The following CSRNP3 variants were observed in gnomAD, a reference collection of about 807,000 sequenced individuals.
The protein encoded by CSRNP3 is cysteine and serine rich nuclear protein 3.
A neutral mutation model predicts 48.0 loss-of-function variants in CSRNP3; 12 were observed. The observed-to-expected ratio is 0.25, with a 90% CI of 0.16 to 0.41. The LOEUF (loss-of-function observed/expected upper bound fraction) is 0.41, where lower values mean the gene tolerates loss of function less well. Among genes scored for constraint, CSRNP3 ranks in the 10% least tolerant of loss-of-function variants. CSRNP3 has a pLI of 1.00. For missense variants in CSRNP3, 580 were observed against 724.4 expected (o/e 0.80, Z 2.29); for synonymous variants, 263 against 269.7 (o/e 0.98, Z 0.24).
rs1687573431 is a variant in CSRNP3 at position 165,683,048 on chromosome 2, G to C, written c.*3295G>C. ...TAATCCTGGCCGAATTGATTTGAAA[G>C]TCAAGTGGCTGAAGCAGCTTGCATC... is the stretch of plus-strand genomic sequence containing the variant. On this transcript the variant is annotated 3_prime_UTR_variant, in exon 7 of 7. Transcript: ENST00000651982. 1 of 152,130 alleles carries C rather than the reference G, an allele frequency of 6.6e-6. No homozygotes were observed. Among genetic ancestry groups the C allele is most frequent in the African/African-American group, 2.4e-5 (1 of 41,438 alleles). The allele number at this position is 152,130 out of a possible 1,614,324, so 9.4% of individuals were successfully genotyped here.
At chr2:165,520,057 C>T (rs1345390895) in intron 3 of CSRNP3, among the ~76,000 whole-genome samples, 2 of 151,912 alleles carry the variant, frequency 1.3e-5, no homozygotes, top group Non-Finnish European at 2.9e-5. Flanking sequence ...GTTTCAATTT[C>T]ACCAGAAAGA....
At chr2:165,666,102 G>A (rs1294985170) in intron 5 of CSRNP3, among the ~76,000 whole-genome samples, 10 of 94,318 alleles carry the variant, frequency 1.1e-4, no homozygotes, top group East Asian at 3.8e-4. Context: ...GGAGAGAGAG[G>A]AAGAAAGAAA....
chr2:165,581,358 C>T (rs536809408), intron 3 of CSRNP3, among the ~76,000 whole-genome samples: 3 of 152,266 alleles, frequency 2.0e-5, no homozygotes, highest in African/African-American at 7.2e-5. Flanking sequence ...ATAGCCGTCC[C>T]TCTCTTTGTC....
chr2:165,602,414 A>T (rs1685931063), intron 4 of CSRNP3, among the ~76,000 whole-genome samples: 1 of 152,222 alleles, frequency 6.6e-6, no homozygotes, highest in Admixed American at 6.5e-5. Flanking sequence ...CTTGGGGTAC[A>T]CAATCTGGGA....
intron 3 of CSRNP3, among the ~76,000 whole-genome samples, chr2:165,564,952 T>C (rs1574839525): frequency 6.6e-6 from 1 of 152,030 alleles, no homozygotes; most frequent in African/African-American, 2.4e-5. Flanking sequence ...CTAGGGCAAA[T>C]AAATATTGTA....
chr2:165,510,454 C>T (rs1402523901), intron 2 of CSRNP3, among the ~76,000 whole-genome samples: 1 of 152,104 alleles, frequency 6.6e-6, no homozygotes, highest in Non-Finnish European at 1.5e-5. Context: ...CCATTGAGAG[C>T]TCTTTCAGGT....
At chr2:165,584,252 G>A (rs149841014) in intron 3 of CSRNP3, among the ~76,000 whole-genome samples, 4 of 152,016 alleles carry the variant, frequency 2.6e-5, no homozygotes, top group Non-Finnish European at 5.9e-5. Context: ...ACACCTAGAG[G>A]CTACGAATAC....
rs375971213 is a variant in CSRNP3 at position 165,477,064 on chromosome 2, T to C, written c.-283+7324T>C. The stretch of plus-strand genomic sequence containing the variant: ...GCTGGGCATCAGCTGGTAAATTTAG[T>C]ATTGTATGAGAAAGTGCAATTGTGA... On this transcript the variant is annotated intron_variant, in intron 1 of 6. Transcript: ENST00000651982. Among the ~76,000 whole-genome samples, 11 of 152,286 alleles carry C rather than the reference T, an allele frequency of 7.2e-5. No homozygotes were observed. The East Asian group carries it at 2.1e-3, about 29-fold the overall frequency.
chr2:165,612,512 G>T (rs1345032025), intron 4 of CSRNP3, among the ~76,000 whole-genome samples: 1 of 151,922 alleles, frequency 6.6e-6, no homozygotes, highest in African/African-American at 2.4e-5. Flanking sequence ...CAGAACACTA[G>T]AATTTATTTC....
At chr2:165,535,716 A>G (rs1291392239) in intron 3 of CSRNP3, among the ~76,000 whole-genome samples, 3 of 151,834 alleles carry the variant, frequency 2.0e-5, no homozygotes, top group African/African-American at 7.3e-5. Context: ...AGAGGGGAAC[A>G]CAGTCTGGAA....
intron 4 of CSRNP3, among the ~76,000 whole-genome samples, chr2:165,629,699 C>T (rs1029178841): frequency 9.2e-5 from 14 of 152,212 alleles, no homozygotes; most frequent in African/African-American, 2.9e-4. Context: ...GAAGATATCT[C>T]GATATGTTTG....
chr2:165,606,961 CT>C (rs1275607031), intron 4 of CSRNP3, among the ~76,000 whole-genome samples: 1 of 151,888 alleles, frequency 6.6e-6, no homozygotes, highest in African/African-American at 2.4e-5. Context: ...ACTCTCTTAA[CT>C]TTTTTTTACA....
chr2:165,679,727 C>T lies in CSRNP3; in HGVS notation c.1732C>T (p.Pro578Ser), dbSNP rs61743584. ...ATTGCATGAAGAGTGCATCAAATCA[C>T]CCGTGGTTGAGACAGTCCCTGTTTA... ...SILHEECIKS[P>S]VVETVPV The change falls in exon 7 of 7, where the codon CCC becomes TCC. Residue 578 changes from proline to serine, a missense_variant. Transcript: ENST00000651982. 586 of 1,613,692 alleles carry T rather than the reference C, an allele frequency of 3.6e-4. 2 individuals are homozygous for T. In the African/African-American group the frequency reaches 6.9e-3, roughly 19 times the overall value.
intron 4 of CSRNP3, among the ~76,000 whole-genome samples, chr2:165,626,198 G>C (rs1464818576): frequency 6.6e-6 from 1 of 151,714 alleles, no homozygotes; most frequent in Non-Finnish European, 1.5e-5. Flanking sequence ...ACTCCAACCT[G>C]GGCAAAAGAG....
At chr2:165,674,607 A>G (rs1237574692) in intron 5 of CSRNP3, among the ~76,000 whole-genome samples, 1 of 147,266 alleles carries the variant, frequency 6.8e-6, no homozygotes, top group African/African-American at 2.5e-5. Context: ...TAACTCTGAA[A>G]CATATATATA....
rs1377096288 is a variant in CSRNP3, at chr2:165,666,984, GAAGA to G, written c.408+8973_408+8976del. 2.6e-3 allele frequency among the ~76,000 whole-genome samples: 201 copies of G among 78,364 alleles called. 28 individuals are homozygous for G. Among genetic ancestry groups the G allele is most frequent in the African/African-American group, 8.2e-3 (190 of 23,308 alleles). 51.4% of individuals were successfully genotyped at this position (78,364 alleles called of 152,430 possible). On this transcript the variant is annotated intron_variant, in intron 5 of 6. Coordinates refer to ENST00000651982, the MANE Select transcript of CSRNP3 (RefSeq NM_001172173.2). ...GAAGGAAGGAAGGAAAGAGAGAGAG[GAAGA>G]AAGAAAGAGAGAGAGAGGAAGGAAG...
chr2:165,608,284 G>A (rs542676322), intron 4 of CSRNP3, among the ~76,000 whole-genome samples: 1 of 151,976 alleles, frequency 6.6e-6, no homozygotes, highest in South Asian at 2.1e-4. Context: ...AATGATGGTT[G>A]GAAAAGGGAG....
chr2:165,535,485 TTC>T (rs1684870318), intron 3 of CSRNP3, among the ~76,000 whole-genome samples: 1 of 151,840 alleles, frequency 6.6e-6, no homozygotes, highest in South Asian at 2.1e-4. Flanking sequence ...TAGATGCCCT[TTC>T]CTTGTAGACC....
chr2:165,678,922 A>T lies in CSRNP3; in HGVS notation c.927A>T (p.Val309=). Residue 309 remains valine, a synonymous_variant, in exon 7 of 7, where the codon GTA becomes GTT. Transcript: ENST00000651982. ...CTATGGGCCCTGTCGCTCACTCCGT[A>T]GAATATTCAATCGCAGACAGTTTTG... is the stretch of plus-strand genomic sequence containing the variant. The part of the protein sequence containing the change: ...SSSMGPVAHS[V]EYSIADSFEI... 1 of 1,614,064 alleles carries T rather than the reference A, an allele frequency of 6.2e-7. No homozygotes were observed. Among genetic ancestry groups the T allele is most frequent in the Non-Finnish European group, 8.5e-7 (1 of 1,180,010 alleles).
Sources: allele counts gnomAD v4.1 joint callset (sites outside exome capture counted in the v4.1 genomes callset), GRCh38; gene constraint gnomAD v4.1.1; transcripts MANE v1.5; gene names NCBI Gene and HGNC (gene_info 2026-07-23, HGNC 2026-07-21).